ADGRA1: variants seen among roughly 807,000 people sequenced by gnomAD.
ADGRA1 encodes the protein G-protein coupled receptor 123.
Under a neutral mutation model 21.3 loss-of-function variants are expected in ADGRA1, and 12 were observed. The ratio of observed to expected loss-of-function variants is 0.56; its 90% CI spans 0.36 to 0.91. The LOEUF (loss-of-function observed/expected upper bound fraction) is 0.91. Among genes scored for constraint, ADGRA1 ranks in the 40% least tolerant of loss-of-function variants. The pLI, the probability that ADGRA1 is intolerant of heterozygous loss-of-function variation, is 0.01. For missense variants in ADGRA1, 790 were observed against 805.6 expected, an observed-to-expected ratio of 0.98 and a Z score of 0.23; for synonymous variants, 385 against 368.8, an observed-to-expected ratio of 1.04 and a Z score of -0.50.
intron 5 of ADGRA1, among the ~76,000 whole-genome samples, chr10:133,121,903 TGTGA>T (rs1298110133): frequency 6.8e-6 from 1 of 146,578 alleles, no homozygotes; most frequent in Non-Finnish European, 1.5e-5. Flanking sequence ...TGCGTGCAAG[TGTGA>T]GTGCCTGTGC....
At chr10:133,114,083 G>A (rs1339982673) in intron 5 of ADGRA1, among the ~76,000 whole-genome samples, 4 of 152,312 alleles carry the variant, frequency 2.6e-5, no homozygotes, top group South Asian at 4.1e-4. Flanking sequence ...TGACAGCAGC[G>A]CTGGCTGAGG....
At chr10:133,089,072 G>C in intron 2 of ADGRA1, 160 bp downstream of exon 2, 1 of 1,212,254 alleles carries the variant, frequency 8.2e-7, no homozygotes, top group East Asian at 3.2e-5. Flanking sequence ...TGTGGAGTGG[G>C]GGCCGGGGAC....
intron 2 of ADGRA1, among the ~76,000 whole-genome samples, chr10:133,094,153 A>G (rs1447590179): frequency 6.6e-6 from 1 of 152,260 alleles, no homozygotes; most frequent in Non-Finnish European, 1.5e-5. Flanking sequence ...TCAGACGAGA[A>G]GCCCCACACA....
intron 5 of ADGRA1, among the ~76,000 whole-genome samples, chr10:133,110,314 T>A (rs1851964994): frequency 6.6e-6 from 1 of 152,254 alleles, no homozygotes; most frequent in South Asian, 2.1e-4. Flanking sequence ...CTCTGCCAGC[T>A]CCGCTGGCCA....
chr10:133,098,637 C>T lies in ADGRA1; in HGVS notation c.132-3C>T. The stretch of plus-strand genomic sequence containing the variant: ...TGTGAAACCCTCCTTTCCCGTCCCA[C>T]AGCGCCATCCGCATCAGCCGCAAGG... On this transcript the variant is annotated splice_region_variant and splice_polypyrimidine_tract_variant and intron_variant, in intron 3 of 6. Coordinates refer to ENST00000392607, the MANE Select transcript of ADGRA1 (RefSeq NM_001083909.3). 5.0e-6 allele frequency: 8 copies of T among 1,607,608 alleles called. No homozygotes were observed. The highest frequency in any genetic ancestry group is 6.8e-6 in the Non-Finnish European group (8 of 1,179,340).
intron 3 of ADGRA1, among the ~76,000 whole-genome samples, chr10:133,097,662 C>G: frequency 6.6e-6 from 1 of 152,350 alleles, no homozygotes; most frequent in South Asian, 2.1e-4. Context: ...GAGGCTTGGG[C>G]GGTTCCGAAA....
chr10:133,129,050 G>C lies in ADGRA1; in HGVS notation c.1222G>C (p.Gly408Arg). 1.9e-6 allele frequency: 3 copies of C among 1,554,488 alleles called. No individual in the cohort carries two copies. The highest frequency in any genetic ancestry group is 2.6e-6 in the Non-Finnish European group (3 of 1,147,978). ...GCACCTGCAGGAGGAGGGCGCCTTC[G>C]GGCACGACCCCCACCTGCACGGGTG... ...HVHLQEEGAF[G>R]HDPHLHGCLQ... The change falls in exon 7 of 7, where the codon GGG becomes CGG. Residue 408 changes from glycine to arginine, a missense_variant. Transcript: ENST00000392607.
chr10:133,106,749 C>T (rs1851900580), intron 5 of ADGRA1, among the ~76,000 whole-genome samples: 2 of 152,228 alleles, frequency 1.3e-5, no homozygotes, highest in Non-Finnish European at 2.9e-5. Flanking sequence ...CAGCATGCTT[C>T]CTGGGGGAAG....
chr10:133,129,901 C>T lies in ADGRA1; in HGVS notation c.*390C>T, dbSNP rs1440651378. 5.3e-6 allele frequency: 1 copy of T among 189,710 alleles called. No individual in the cohort carries two copies. Among genetic ancestry groups the T allele is most frequent in the Non-Finnish European group, 1.1e-5 (1 of 91,554 alleles). 11.8% of individuals were successfully genotyped at this position (189,710 alleles called of 1,614,324 possible). ...ACTGAGACCCCAGCATGGCCCTGCC[C>T]GAGATGCCCTGCTGCCCACGGAGTC... On this transcript the variant is annotated 3_prime_UTR_variant, in exon 7 of 7. Transcript: ENST00000392607.
chr10:133,100,988 G>A lies in ADGRA1; in HGVS notation c.256-1709G>A, dbSNP rs1273229130. Among the ~76,000 whole-genome samples the A allele has an allele frequency of 4.6e-5, 7 of 152,230 alleles. 1 individual carries two copies. Among genetic ancestry groups the A allele is most frequent in the African/African-American group, 1.2e-4 (5 of 41,470 alleles). ...CAAGGCGACGTTCTCCGAGCTCCCC[G>A]ATGAACTGTCTGCTCCCCGTGCTCT... On this transcript the variant is annotated intron_variant, in intron 4 of 6. Coordinates refer to ENST00000392607, the MANE Select transcript of ADGRA1 (RefSeq NM_001083909.3).
chr10:133,121,090 T>C (rs1463785280), intron 5 of ADGRA1, among the ~76,000 whole-genome samples: 1 of 152,222 alleles, frequency 6.6e-6, no homozygotes, highest in Non-Finnish European at 1.5e-5. Context: ...CACCGTCTTA[T>C]ACGGGCGTGG....
At chr10:133,088,619 C>T in intron 1 of ADGRA1, 89 bp from the exon 2 acceptor site, 1 of 847,946 alleles carries the variant, frequency 1.2e-6, no homozygotes, top group Non-Finnish European at 1.5e-6. Flanking sequence ...GCGACAGGGG[C>T]CGCGGCTGCT....
At position 133,128,693 on chromosome 10, in the gene ADGRA1, T is replaced by G; in HGVS notation, c.865T>G (p.Cys289Gly). ...CCACTTCCTGGACATGGTCTTCAGC[T>G]GCCTGTACGGCGCCTTCTGCGTGAC... ...QGHFLDMVFSCLYGAFCVTLG... is the reference protein window; with the variant it reads ...QGHFLDMVFSGLYGAFCVTLG... Residue 289 changes from cysteine to glycine, a missense_variant, in exon 7 of 7, where the codon TGC (cysteine) becomes GGC (glycine). Cys to Gly is a radical substitution (Grantham distance 159). Around this residue, in one of 3 missense-constraint regions of ADGRA1, gnomAD observed 382 missense variants for 415.6 expected, o/e 0.92. Coordinates refer to ENST00000392607, the MANE Select transcript of ADGRA1 (RefSeq NM_001083909.3). 1 of 1,611,980 alleles carries G rather than the reference T, an allele frequency of 6.2e-7. No individual in the cohort carries two copies. Among genetic ancestry groups the G allele is most frequent in the Non-Finnish European group, 8.5e-7 (1 of 1,179,628 alleles).
chr10:133,090,539 G>A (rs111232838), intron 2 of ADGRA1, among the ~76,000 whole-genome samples: 37 of 152,250 alleles, frequency 2.4e-4, no homozygotes, highest in African/African-American at 8.9e-4. Context: ...TTTTCTGCAT[G>A]TGTCTCCAAG....
At position 133,111,179 on chromosome 10, in the gene ADGRA1, GCACC is replaced by G. The variant is rs1851989836; in HGVS notation, c.401+8338_401+8341del. Among the ~76,000 whole-genome samples the G allele has an allele frequency of 1.1e-4, 3 of 26,090 alleles. 1 individual carries two copies. The highest frequency in any genetic ancestry group is 1.9e-4 in the Non-Finnish European group (3 of 15,970). 17.1% of individuals were successfully genotyped at this position (26,090 alleles called of 152,430 possible). Reference sequence around the variant, plus strand: ...CCACCAGACCACCTGCCCGCCGTGAGCACCTCCCTCCTAATCCCTCCAGACAACC... The same window carrying G: ...CCACCAGACCACCTGCCCGCCGTGAGTCCCTCCTAATCCCTCCAGACAACC... On this transcript the variant is annotated intron_variant, in intron 5 of 6. Transcript: ENST00000392607.
chr10:133,128,266 C>A, intron 6 of ADGRA1, 63 bp from the exon 7 acceptor site: 1 of 1,314,666 alleles, frequency 7.6e-7, no homozygotes, highest in South Asian at 1.5e-5. Flanking sequence ...CTTTGCTCTG[C>A]AGGGGGCGTC....
In ADGRA1 at chr10:133,130,878, CACAA is replaced by C. The variant is rs1319224361; in HGVS notation, c.*1371_*1374del. ...CACACACAAACACGTGCATATCACA[CACAA>C]ACACACGTGCACACATACTTAACAC... is the stretch of plus-strand genomic sequence containing the variant. On this transcript the variant is annotated 3_prime_UTR_variant, in exon 7 of 7. Coordinates refer to ENST00000392607, the MANE Select transcript of ADGRA1 (RefSeq NM_001083909.3). 1 of 152,226 alleles carries C rather than the reference CACAA, an allele frequency of 6.6e-6. No individual in the cohort carries two copies. Among genetic ancestry groups the C allele is most frequent in the Non-Finnish European group, 1.5e-5 (1 of 68,066 alleles). 9.4% of individuals were successfully genotyped at this position (152,226 alleles called of 1,614,324 possible).
Position 133,129,292 on chromosome 10 carries a change from TG to T in ADGRA1, c.1467del (p.Ser490AlafsTer47). ...PMVTQPEGSD[G>X]SPALYSCPTQ... Reference sequence around the variant, plus strand: ...TGGTCACCCAGCCCGAGGGCAGTGATGGGAGCCCTGCCCTCTACAGCTGCCC... The same window carrying T: ...TGGTCACCCAGCCCGAGGGCAGTGATGGAGCCCTGCCCTCTACAGCTGCCC... On this transcript the variant is annotated frameshift_variant, in exon 7 of 7. Coordinates refer to ENST00000392607, the MANE Select transcript of ADGRA1 (RefSeq NM_001083909.3). LOFTEE classifies it low-confidence loss of function (END_TRUNC). 1 of 1,551,916 alleles carries T rather than the reference TG, an allele frequency of 6.4e-7. No individual in the cohort carries two copies. Among genetic ancestry groups the T allele is most frequent in the Non-Finnish European group, 8.7e-7 (1 of 1,148,484 alleles).
intron 5 of ADGRA1, among the ~76,000 whole-genome samples, chr10:133,124,775 G>A (rs889985955): frequency 6.6e-6 from 1 of 152,234 alleles, no homozygotes; most frequent in African/African-American, 2.4e-5. Context: ...CTGTTGCGAG[G>A]GGCCCACGTC....
Sources: gnomAD v4.1 joint callset for allele counts (sites outside exome capture counted in the v4.1 genomes callset) on GRCh38, gnomAD v4.1.1 for gene constraint, gnomAD v4.1.1 regional missense constraint, MANE v1.5 for transcripts, NCBI Gene and HGNC (gene_info 2026-07-23, HGNC 2026-07-21) for gene names.